MYH14: variants seen among roughly 807,000 people sequenced by gnomAD.
MYH14 encodes myosin-14.
In MYH14, 123 loss-of-function variants were observed where a neutral mutation model predicts 255.5. The observed-to-expected ratio is 0.48, with a 90% CI of 0.42 to 0.56. The LOEUF (loss-of-function observed/expected upper bound fraction) is 0.56. Among genes scored for constraint, MYH14 ranks in the 20% least tolerant of loss-of-function variants. The pLI, the probability that MYH14 is intolerant of heterozygous loss-of-function variation, is 0.00. For missense variants in MYH14, 2,423 were observed against 2,802.3 expected, an observed-to-expected ratio of 0.86 and a Z score of 3.06; for synonymous variants, 1,095 against 1,161.2, an observed-to-expected ratio of 0.94 and a Z score of 1.16.
intron 2 of MYH14, among the ~76,000 whole-genome samples, chr19:50,211,290 T>C (rs1447934194): frequency 6.6e-6 from 1 of 151,982 alleles, no homozygotes; most frequent in Non-Finnish European, 1.5e-5. Context: ...GCTATGATGA[T>C]ACCACTGCAC....
intron 6 of MYH14, among the ~76,000 whole-genome samples, chr19:50,224,427 CA>C (rs1416051049): frequency 6.6e-6 from 1 of 152,200 alleles, no homozygotes; most frequent in Non-Finnish European, 1.5e-5. Flanking sequence ...TGTGTCCAGC[CA>C]GGGCCCACAG....
chr19:50,212,713 C>CT (rs2032263491), intron 2 of MYH14, among the ~76,000 whole-genome samples: 1 of 152,302 alleles, frequency 6.6e-6, no homozygotes, highest in African/African-American at 2.4e-5. Context: ...CTGAGATAAG[C>CT]AGTGGCTGGC....
rs913915720 is a variant in MYH14, at chr19:50,210,641, G to C, written c.276G>C (p.Pro92=). 3.8e-6 allele frequency: 6 copies of C among 1,570,676 alleles called. No homozygotes were observed. The highest frequency in any genetic ancestry group is 5.2e-6 in the Non-Finnish European group (6 of 1,159,220). Residue 92 remains proline, a synonymous_variant, in exon 2 of 43, where the codon CCG becomes CCC. Transcript: ENST00000642316. ...LAESGRRLRL[P]RDQIQRMNPP... is the part of the protein sequence containing the mutation. ...AGAGCGGGAGGCGGCTGCGACTGCC[G>C]CGGGACCAGATCCAGCGCATGAACC...
In MYH14 at chr19:50,276,699, A is replaced by G; in HGVS notation, c.3681-58A>G. On this transcript the variant is annotated intron_variant, in intron 28 of 42. Transcript: ENST00000642316. The surrounding 1 kb of genome is among the most constrained non-coding windows in gnomAD (Gnocchi z 4.3). Reference sequence around the variant, plus strand: ...AAAGGAGAAACAACCAGCTCCCCCAAAGCCCCTGCCTTCCTCTGCTCTGAA... The same window carrying G: ...AAAGGAGAAACAACCAGCTCCCCCAGAGCCCCTGCCTTCCTCTGCTCTGAA... 2 of 1,610,636 alleles carry G rather than the reference A, an allele frequency of 1.2e-6. No homozygotes were observed. Among genetic ancestry groups the G allele is most frequent in the Non-Finnish European group, 1.7e-6 (2 of 1,178,528 alleles).
chr19:50,221,263 CAG>C lies in MYH14; in HGVS notation c.563-1817_563-1816del, dbSNP rs1367463933. 6.6e-6 allele frequency among the ~76,000 whole-genome samples: 1 copy of C among 152,032 alleles called. No homozygotes were observed. The highest frequency in any genetic ancestry group is 2.4e-5 in the African/African-American group (1 of 41,380). On this transcript the variant is annotated intron_variant, in intron 3 of 42. Coordinates refer to ENST00000642316, the MANE Select transcript of MYH14 (RefSeq NM_001145809.2). This position sits in a 1 kb window ranked among gnomAD's most constrained non-coding sequence, Gnocchi z 5.3. The stretch of plus-strand genomic sequence containing the variant: ...GAGCCCCATTTTTCAGATGGGAAAA[CAG>C]AGGCACAAAGCAACTCAGAGACTGG...
Position 50,276,162 on chromosome 19 carries a change from G to A in MYH14, c.3639G>A (p.Leu1213=). The change falls in exon 28 of 43, where the codon CTG becomes CTA. Residue 1213 remains leucine (L), a synonymous_variant. Transcript: ENST00000642316. The surrounding 1 kb of genome is among the most constrained non-coding windows in gnomAD (Gnocchi z 4.3). The part of the protein sequence containing the change: ...GEELEALRGE[L]EDTLDSTNAQ... ...AGCTGGAGGCGCTGCGGGGCGAGCT[G>A]GAGGACACGCTGGACTCCACCAACG... 6.4e-7 allele frequency: 1 copy of A among 1,561,952 alleles called. No individual in the cohort carries two copies.
At chr19:50,255,354 TGGA>T in intron 17 of MYH14, 36 bp downstream of exon 17, 1 of 1,499,868 alleles carries the variant, frequency 6.7e-7, no homozygotes, top group Non-Finnish European at 9.1e-7. Context: ...TGAGGCTTGC[TGGA>T]GGAGGAGGGT....
chr19:50,292,225 C>T (rs1023466086), intron 36 of MYH14, 36 bp from the exon 37 acceptor site: 1 of 1,559,996 alleles, frequency 6.4e-7, no homozygotes, highest in South Asian at 1.2e-5. Flanking sequence ...GCTGTGTGGC[C>T]AGGCTGAGCC....
At chr19:50,209,030 T>A (rs911060571) in intron 1 of MYH14, among the ~76,000 whole-genome samples, 1 of 152,130 alleles carries the variant, frequency 6.6e-6, no homozygotes, top group Non-Finnish European at 1.5e-5. Context: ...GGCATGCCTG[T>A]TAATACATTT....
chr19:50,272,616 C>A lies in MYH14; in HGVS notation c.3352C>A (p.Leu1118Met). The part of the protein sequence containing the change: ...RQELEKLKRR[L>M]DGESSELQEQ... ...GGAGCTGGAGAAGCTGAAGCGGAGGCTGGATGGGGAGAGCTCAGAGCTGCA... is the reference window on the plus strand; with the variant it reads ...GGAGCTGGAGAAGCTGAAGCGGAGGATGGATGGGGAGAGCTCAGAGCTGCA... Residue 1118 changes from leucine to methionine, a missense_variant, in exon 27 of 43, where the codon CTG (leucine) becomes ATG (methionine). Physicochemically the swap from Leu to Met is conservative, Grantham distance 15. This residue lies in a region of MYH14 where 1,513 missense variants were observed against 1,674.8 expected (regional missense o/e 0.90). Transcript: ENST00000642316. 1.3e-6 allele frequency: 2 copies of A among 1,580,206 alleles called. No individual in the cohort carries two copies. Among genetic ancestry groups the A allele is most frequent in the South Asian group, 1.2e-5 (1 of 86,160 alleles).
chr19:50,221,615 T>TTA lies in MYH14; in HGVS notation c.563-1465_563-1464dup, dbSNP rs2032823704. On this transcript the variant is annotated intron_variant, in intron 3 of 42. Coordinates refer to ENST00000642316, the MANE Select transcript of MYH14 (RefSeq NM_001145809.2). This position sits in a 1 kb window ranked among gnomAD's most constrained non-coding sequence, Gnocchi z 5.3. ...CCTCAGCCTCCTGAGTAGCTGGGGA[T>TTA]TATAGGTGGCGCCACCATGCCTGGC... Among the ~76,000 whole-genome samples the TTA allele has an allele frequency of 6.6e-6, 1 of 152,106 alleles. No individual in the cohort carries two copies. The highest frequency in any genetic ancestry group is 6.6e-5 in the Admixed American group (1 of 15,264).
At chr19:50,253,042 C>T (rs914914342) in intron 16 of MYH14, among the ~76,000 whole-genome samples, 4 of 152,148 alleles carry the variant, frequency 2.6e-5, no homozygotes, top group South Asian at 2.1e-4. Flanking sequence ...TGTTAAACAT[C>T]GTTTTTTTAG....
Position 50,230,484 on chromosome 19 carries a change from G to A in MYH14, c.875-41G>A. On this transcript the variant is annotated intron_variant, in intron 8 of 42. Transcript: ENST00000642316. This position sits in a 1 kb window ranked among gnomAD's most constrained non-coding sequence, Gnocchi z 4.7. ...CCTGTAGTGGCCTGGCAGCGTCGGG[G>A]CCGTCCCTTCCCCTCTAGCACCTTG... is the stretch of plus-strand genomic sequence containing the variant. The A allele has an allele frequency of 6.5e-7, 1 of 1,529,218 alleles. No homozygotes were observed. The highest frequency in any genetic ancestry group is 8.9e-7 in the Non-Finnish European group (1 of 1,127,918). 94.7% of individuals were successfully genotyped at this position (1,529,218 alleles called of 1,614,324 possible).
intron 37 of MYH14, among the ~76,000 whole-genome samples, chr19:50,292,777 TGGGAGTGGGAGA>T (rs1342060042): frequency 6.8e-6 from 1 of 146,296 alleles, no homozygotes; most frequent in African/African-American, 2.5e-5. Context: ...GCTGTGGGAG[TGGGAGTGGGAGA>T]GGGGAGAGAG....
Position 50,273,601 on chromosome 19 carries a change from G to GTGTGTGTGTGTGTGTGT in MYH14, c.3467+870_3467+871insTGTGTGTGTGTGTGTGT, listed in dbSNP as rs1555772397. 2.2e-3 allele frequency among the ~76,000 whole-genome samples: 300 copies of GTGTGTGTGTGTGTGTGT among 137,568 alleles called. 1 individual carries two copies. The highest frequency in any genetic ancestry group is 4.8e-3 in the African/African-American group (179 of 37,168). The allele number at this position is 137,568 out of a possible 152,430, so 90.2% of individuals were successfully genotyped here. ...ATCTTAGAGTTGATGGAACATGGGG[G>GTGTGTGTGTGTGTGTGT]GTGTGTGTGTGTGTGTGTGTGTGTG... On this transcript the variant is annotated intron_variant, in intron 27 of 42. Coordinates refer to ENST00000642316, the MANE Select transcript of MYH14 (RefSeq NM_001145809.2).
rs181938261 is a variant in MYH14, at chr19:50,271,755, A to G, written c.3172-94A>G. The G allele has an allele frequency of 5.3e-5, 82 of 1,560,356 alleles. No homozygotes were observed. The East Asian group carries it at 1.6e-3, about 31-fold the overall frequency. On this transcript the variant is annotated intron_variant, in intron 25 of 42. Transcript: ENST00000642316. ...GAGAAGGGTGAAAAGGAGCAGAAAC[A>G]TAGATGAGAACAACACCAGAAGCTG...
intron 22 of MYH14, among the ~76,000 whole-genome samples, chr19:50,265,784 G>C (rs1198441693): frequency 6.6e-6 from 1 of 152,066 alleles, no homozygotes; most frequent in African/African-American, 2.4e-5. Context: ...TCGCACCACT[G>C]CACTCCAGCC....
rs1464151653 is a variant in MYH14, at chr19:50,252,896, G to A, written c.1945+143G>A. 1.7e-6 allele frequency: 1 copy of A among 600,374 alleles called. No individual in the cohort carries two copies. The highest frequency in any genetic ancestry group is 1.9e-5 in the African/African-American group (1 of 53,956). 37.2% of individuals were successfully genotyped at this position (600,374 alleles called of 1,614,324 possible). ...CCCAGAATAGCCAGTGTCACAAATA[G>A]TATTTCAAATCAGTGATGGATGGAT... On this transcript the variant is annotated intron_variant, in intron 16 of 42. Coordinates refer to ENST00000642316, the MANE Select transcript of MYH14 (RefSeq NM_001145809.2). The surrounding 1 kb of genome is among the most constrained non-coding windows in gnomAD (Gnocchi z 4.2).
Position 50,281,612 on chromosome 19 carries a change from C to A in MYH14, c.4309C>A (p.Arg1437Ser). 1 of 1,591,988 alleles carries A rather than the reference C, an allele frequency of 6.3e-7. No homozygotes were observed. Among genetic ancestry groups the A allele is most frequent in the African/African-American group, 1.3e-5 (1 of 74,438 alleles). ...AQAQLSEWRR[R>S]QEEEAGALEA... The stretch of plus-strand genomic sequence containing the variant: ...CCCTCAGCTTTCCGAGTGGCGGCGG[C>A]GCCAGGAGGAGGAGGCAGGGGCACT... The change falls in exon 33 of 43, where the codon CGC (arginine) becomes AGC (serine). Residue 1437 changes from arginine (R) to serine (S), a missense_variant. Arg to Ser is a moderately radical substitution (Grantham distance 110). This residue lies in a region of MYH14 where 1,513 missense variants were observed against 1,674.8 expected (regional missense o/e 0.90). Transcript: ENST00000642316.
Sources: allele counts gnomAD v4.1 joint callset (sites outside exome capture counted in the v4.1 genomes callset), GRCh38; gene constraint gnomAD v4.1.1; regional missense constraint gnomAD v4.1.1; non-coding constraint Gnocchi (gnomAD v3.1); transcripts MANE v1.5; gene names NCBI Gene and HGNC (gene_info 2026-07-23, HGNC 2026-07-21).